The following CENPP variants were observed in gnomAD, a reference collection of about 807,000 sequenced individuals.
CENPP encodes centromere protein P.
In CENPP, 24 loss-of-function variants were observed where a neutral mutation model predicts 35.6. The ratio of observed to expected loss-of-function variants is 0.67; its 90% CI spans 0.49 to 0.95. The LOEUF (loss-of-function observed/expected upper bound fraction) is 0.95. Ranked by LOEUF, CENPP falls within the 40% of genes least tolerant of loss-of-function variation. The pLI, the probability that CENPP is intolerant of heterozygous loss-of-function variation, is 0.00. For synonymous variants in CENPP, 120 were observed against 125.5 expected (o/e 0.96, Z 0.29); for missense variants, 332 against 345.3 (o/e 0.96, Z 0.31).
chr9:92,518,233 G>A (rs1847847104), intron 5 of CENPP, among the ~76,000 whole-genome samples: 1 of 152,202 alleles, frequency 6.6e-6, no homozygotes, highest in Non-Finnish European at 1.5e-5. Context: ...TGGGGACACA[G>A]GGGCTCAGCT....
intron 5 of CENPP, among the ~76,000 whole-genome samples, chr9:92,494,687 T>A (rs1314976390): frequency 6.6e-6 from 1 of 152,094 alleles, no homozygotes; most frequent in East Asian, 1.9e-4. Context: ...GGCGGTCTTA[T>A]CACAAGGTCA....
chr9:92,459,770 C>A (rs1208145236), intron 5 of CENPP: 2 of 1,612,822 alleles, frequency 1.2e-6, no homozygotes, highest in Non-Finnish European at 1.7e-6. Flanking sequence ...CTAGGCCCAG[C>A]CTAAAAATGA....
intron 5 of CENPP, among the ~76,000 whole-genome samples, chr9:92,553,273 C>T (rs571456784): frequency 6.6e-6 from 1 of 152,222 alleles, no homozygotes; most frequent in Admixed American, 6.5e-5. Context: ...GGTCTATATG[C>T]CTATTTTTAT....
At chr9:92,535,775 G>A (rs1166611767) in intron 5 of CENPP, among the ~76,000 whole-genome samples, 2 of 151,620 alleles carry the variant, frequency 1.3e-5, no homozygotes, top group Non-Finnish European at 2.9e-5. Flanking sequence ...GAAGTACATC[G>A]TGAAAAAAAC....
At chr9:92,514,997 T>TCA in intron 5 of CENPP, 1 of 1,614,078 alleles carries the variant, frequency 6.2e-7, no homozygotes, top group Non-Finnish European at 8.5e-7. Context: ...GATTCAGGGG[T>TCA]CTCTCTCTTT....
At chr9:92,535,148 G>A (rs1849091427) in intron 5 of CENPP, among the ~76,000 whole-genome samples, 1 of 130,802 alleles carries the variant, frequency 7.6e-6, no homozygotes, top group Admixed American at 7.6e-5. Context: ...TAAATAGATA[G>A]GCACAGAAAT....
rs77817998 is a variant in CENPP at position 92,415,100 on chromosome 9, T to A, written c.564+35241T>A. On this transcript the variant is annotated intron_variant, in intron 5 of 7. Coordinates refer to ENST00000375587, the MANE Select transcript of CENPP (RefSeq NM_001012267.3). ...AATACATGTTTACTTAGATTTACTATATTAAGTATAGGTTTTGTGAAGTCG... is the reference window on the plus strand; with the variant it reads ...AATACATGTTTACTTAGATTTACTAAATTAAGTATAGGTTTTGTGAAGTCG... The A allele has an allele frequency of 2.4e-4, 316 of 1,306,930 alleles. 2 individuals carry two copies. The East Asian group carries it at 7.1e-3, about 29-fold the overall frequency. The allele number at this position is 1,306,930 out of a possible 1,614,324, so 81.0% of individuals were successfully genotyped here. A position where few individuals can be genotyped will look rare whatever the true frequency, so the allele number is the denominator to read the frequency against.
At chr9:92,460,523 T>C in intron 5 of CENPP, 7 of 1,606,416 alleles carry the variant, frequency 4.4e-6, no homozygotes, top group Non-Finnish European at 6.0e-6. Context: ...ACTGTTGAAA[T>C]TTTATTATAA....
chr9:92,506,513 G>A (rs1302902643), intron 5 of CENPP, among the ~76,000 whole-genome samples: 1 of 152,206 alleles, frequency 6.6e-6, no homozygotes, highest in Non-Finnish European at 1.5e-5. Flanking sequence ...GGCTCAGGGT[G>A]TGGCCAAAAT....
chr9:92,489,722 A>G (rs1211122102), intron 5 of CENPP, among the ~76,000 whole-genome samples: 1 of 151,692 alleles, frequency 6.6e-6, no homozygotes, highest in African/African-American at 2.4e-5. Context: ...CGTGTATACC[A>G]TGGTTCACTC....
Position 92,565,560 on chromosome 9 carries a change from G to A in CENPP, c.565-45754G>A, listed in dbSNP as rs552274340. 2.0e-5 allele frequency among the ~76,000 whole-genome samples: 3 copies of A among 152,276 alleles called. No homozygotes were observed. The South Asian group carries it at 6.2e-4, about 32-fold the overall frequency. On this transcript the variant is annotated intron_variant, in intron 5 of 7. Transcript: ENST00000375587. ...GTAAACTGCAGACAATTTTTGGGGGGCCAGCACTATCCTTCAAATATCAGA... is the reference window on the plus strand; with the variant it reads ...GTAAACTGCAGACAATTTTTGGGGGACCAGCACTATCCTTCAAATATCAGA...
At chr9:92,393,373 G>T (rs753164969) in intron 5 of CENPP, 1 of 673,030 alleles carries the variant, frequency 1.5e-6, no homozygotes, top group South Asian at 3.0e-5. Flanking sequence ...TCATAAGAAA[G>T]ATAGTCATGG....
At chr9:92,536,087 C>T (rs1333246380) in intron 5 of CENPP, 6 of 483,152 alleles carry the variant, frequency 1.2e-5, no homozygotes, top group Non-Finnish European at 2.4e-5. Context: ...AAAATAACTG[C>T]CTCCCTTGGG....
chr9:92,496,323 T>C, intron 5 of CENPP: 2 of 1,576,910 alleles, frequency 1.3e-6, no homozygotes, highest in Non-Finnish European at 1.7e-6. Flanking sequence ...AATTACTTGA[T>C]GTTTTGTGGT....
intron 5 of CENPP, among the ~76,000 whole-genome samples, chr9:92,461,752 C>T (rs187796617): frequency 6.6e-6 from 1 of 152,202 alleles, no homozygotes; most frequent in Admixed American, 6.5e-5. Context: ...GATTTATTAG[C>T]TGGAATTCTT....
At chr9:92,555,967 C>G (rs1041998179) in intron 5 of CENPP, among the ~76,000 whole-genome samples, 3 of 152,006 alleles carry the variant, frequency 2.0e-5, no homozygotes, top group African/African-American at 7.3e-5. Context: ...TTCTCTAGTT[C>G]CTTGAGTTGT....
chr9:92,494,872 A>C (rs111893112), intron 5 of CENPP, among the ~76,000 whole-genome samples: 1,618 of 152,194 alleles, frequency 0.011, 33 homozygotes, highest in African/African-American at 0.037. Context: ...GCACCACTGC[A>C]CTCCAGCCTG....
chr9:92,349,416 T>A (rs542567825), intron 4 of CENPP, among the ~76,000 whole-genome samples: 173 of 151,220 alleles, frequency 1.1e-3, no homozygotes, highest in Non-Finnish European at 1.4e-3. Context: ...TTTATTTTTT[T>A]TTTTTTGAGA....
intron 5 of CENPP, among the ~76,000 whole-genome samples, chr9:92,532,375 G>A (rs1448881758): frequency 6.6e-6 from 1 of 151,990 alleles, no homozygotes; most frequent in Non-Finnish European, 1.5e-5. Flanking sequence ...GTGGCCTGAT[G>A]TTATTCATCA....
Sources: gnomAD v4.1 joint callset for allele counts (sites outside exome capture counted in the v4.1 genomes callset) on GRCh38, gnomAD v4.1.1 for gene constraint, MANE v1.5 for transcripts, NCBI Gene and HGNC (gene_info 2026-07-23, HGNC 2026-07-21) for gene names.